SPRR2G: variants seen among roughly 807,000 people sequenced by gnomAD.
SPRR2G encodes small proline rich protein 2G.
SPRR2G carries 1 observed loss-of-function variant against 0.7 expected under a neutral mutation model. The ratio of observed to expected loss-of-function variants is 1.49; its 90% CI spans 0.53 to 7.06. The LOEUF (loss-of-function observed/expected upper bound fraction) is 7.06. SPRR2G is among the 30% of genes most tolerant of loss of function. SPRR2G has a pLI of 0.14. For missense variants in SPRR2G, 96 were observed against 88.5 expected (o/e 1.09, Z -0.34); for synonymous variants, 38 against 33.9 (o/e 1.12, Z -0.42).
the SPRR2G span, among the ~76,000 whole-genome samples, chr1:153,168,201 C>T: frequency 5.3e-3 from 804 of 152,302 alleles, 11 homozygotes; most frequent in Middle Eastern, 0.02. Flanking sequence ...TCTGGAAACA[C>T]TCAGTTCCAT....
At chr1:153,155,884 G>C (rs545799039), upstream of SPRR2G, among the ~76,000 whole-genome samples, 115 of 152,276 alleles carry the variant, frequency 7.6e-4, 2 homozygotes, top group African/African-American at 2.7e-3. Context: ...CCTCCTATTA[G>C]GGCAGGTGAC....
the SPRR2G span, among the ~76,000 whole-genome samples, chr1:153,171,431 C>T: frequency 6.6e-6 from 1 of 152,220 alleles, no homozygotes; most frequent in Non-Finnish European, 1.5e-5. Context: ...TCCCTGTATT[C>T]ATTCATCAGA....
the SPRR2G span, among the ~76,000 whole-genome samples, chr1:153,173,415 G>A: frequency 6.6e-6 from 1 of 151,868 alleles, no homozygotes; most frequent in Admixed American, 6.6e-5. Context: ...ATAAATAGAG[G>A]GAAATGATGG....
chr1:153,189,705 G>C, the SPRR2G span, among the ~76,000 whole-genome samples: 1 of 152,154 alleles, frequency 6.6e-6, no homozygotes, highest in Admixed American at 6.5e-5. Context: ...CCATGACAAG[G>C]GATACTAATG....
At chr1:153,168,703 G>A in the SPRR2G span, among the ~76,000 whole-genome samples, 1 of 152,242 alleles carries the variant, frequency 6.6e-6, no homozygotes, top group Non-Finnish European at 1.5e-5. Context: ...GAACATAAAA[G>A]TATGCTAAAA....
the SPRR2G span, among the ~76,000 whole-genome samples, chr1:153,199,278 A>T: frequency 6.6e-6 from 1 of 152,192 alleles, no homozygotes. Context: ...GAAGATGAGG[A>T]ATACCAGCCA....
chr1:153,192,974 G>A, the SPRR2G span, among the ~76,000 whole-genome samples: 3 of 152,064 alleles, frequency 2.0e-5, no homozygotes, highest in South Asian at 2.1e-4. Context: ...CACAAGGTGC[G>A]TCCTTTGTGA....
At chr1:153,154,377 T>C (rs1234495612), upstream of SPRR2G, among the ~76,000 whole-genome samples, 1 of 152,104 alleles carries the variant, frequency 6.6e-6, no homozygotes, top group Non-Finnish European at 1.5e-5. Flanking sequence ...TACAATGAAT[T>C]TGGAAGTGGT....
chr1:153,173,456 A>G, the SPRR2G span, among the ~76,000 whole-genome samples: 16 of 152,206 alleles, frequency 1.1e-4, no homozygotes, highest in African/African-American at 3.9e-4. Flanking sequence ...ACAGAAAAAA[A>G]AATCTCAGAT....
intron 1 of SPRR2G, among the ~76,000 whole-genome samples, chr1:153,150,481 C>A (rs1656443236): frequency 6.6e-6 from 1 of 152,108 alleles, no homozygotes; most frequent in South Asian, 2.1e-4. Flanking sequence ...GCCCTAGTTA[C>A]CAGTTTTAAT....
the SPRR2G span, among the ~76,000 whole-genome samples, chr1:153,199,220 G>T: frequency 6.6e-6 from 1 of 152,198 alleles, no homozygotes; most frequent in South Asian, 2.1e-4. Flanking sequence ...GAGCCATAAG[G>T]GAGGGAAAAC....
At chr1:153,185,339 CTTT>C in the SPRR2G span, among the ~76,000 whole-genome samples, 47 of 137,852 alleles carry the variant, frequency 3.4e-4, no homozygotes, top group African/African-American at 1.0e-3. Flanking sequence ...TGGTCCTGGG[CTTT>C]TTTTTTTTTT....
At chr1:153,195,103 T>G in the SPRR2G span, among the ~76,000 whole-genome samples, 1 of 152,306 alleles carries the variant, frequency 6.6e-6, no homozygotes, top group Non-Finnish European at 1.5e-5. Flanking sequence ...AGCCCTGCTC[T>G]GTACCCCACA....
the SPRR2G span, among the ~76,000 whole-genome samples, chr1:153,187,991 AG>A: frequency 6.6e-6 from 1 of 152,168 alleles, no homozygotes. Flanking sequence ...AGTTTGCTGG[AG>A]GTCCACTCCA....
At chr1:153,168,794 C>T in the SPRR2G span, among the ~76,000 whole-genome samples, 2 of 152,054 alleles carry the variant, frequency 1.3e-5, no homozygotes, top group Non-Finnish European at 2.9e-5. Context: ...ATTTGGACAA[C>T]AGGGAATTCT....
chr1:153,189,633 A>G, the SPRR2G span, among the ~76,000 whole-genome samples: 1 of 152,158 alleles, frequency 6.6e-6, no homozygotes. Flanking sequence ...CCTGGCAGAG[A>G]TGAGGGAGAT....
Position 153,149,946 on chromosome 1 carries a change from G to A in SPRR2G, c.165C>T (p.Cys55=), listed in dbSNP as rs1322734358. The A allele has an allele frequency of 1.2e-6, 2 of 1,613,968 alleles. No homozygotes were observed. The highest frequency in any genetic ancestry group is 8.5e-7 in the Non-Finnish European group (1 of 1,180,020). Reference sequence around the variant, plus strand: ...AGGGTGGGTATGGTTGCACAGGAGGGCATTTATCCTGGCATGGTGGAGGTG... The same window carrying A: ...AGGGTGGGTATGGTTGCACAGGAGGACATTTATCCTGGCATGGTGGAGGTG... ...HCPPPPCQDK[C]PPVQPYPPCQ... is the part of the protein sequence containing the mutation. The change falls in exon 2 of 2, where the codon TGC becomes TGT. Residue 55 remains cysteine (C), a synonymous_variant. Coordinates refer to ENST00000368748, the MANE Select transcript of SPRR2G (RefSeq NM_001014291.4).
intron 1 of SPRR2G, among the ~76,000 whole-genome samples, chr1:153,150,375 A>C (rs1019768705): frequency 3.3e-5 from 5 of 152,218 alleles, no homozygotes; most frequent in African/African-American, 1.2e-4. Flanking sequence ...ACAGCAACAA[A>C]TGTTGTCTGA....
At chr1:153,163,672 T>C in the SPRR2G span, among the ~76,000 whole-genome samples, 1 of 152,180 alleles carries the variant, frequency 6.6e-6, no homozygotes, top group Non-Finnish European at 1.5e-5. Flanking sequence ...TCCTACTCAC[T>C]TTGTCCCTCT....
Sources: allele counts gnomAD v4.1 joint callset (sites outside exome capture counted in the v4.1 genomes callset), GRCh38; gene constraint gnomAD v4.1.1; transcripts MANE v1.5; gene names NCBI Gene and HGNC (gene_info 2026-07-23, HGNC 2026-07-21).